The following SOS1 variants were observed in gnomAD, a reference collection of about 807,000 sequenced individuals.
SOS1 encodes the protein son of sevenless homolog 1.
Under a neutral mutation model 157.6 loss-of-function variants are expected in SOS1, and 25 were observed. The ratio of observed to expected loss-of-function variants is 0.16; its 90% CI spans 0.12 to 0.22. The LOEUF (loss-of-function observed/expected upper bound fraction) is 0.22, where lower values mean the gene tolerates loss of function less well. Among genes scored for constraint, SOS1 ranks in the 10% least tolerant of loss-of-function variants. SOS1 has a pLI of 1.00. For missense variants in SOS1, 1,237 were observed against 1,599.1 expected, an observed-to-expected ratio of 0.77 and a Z score of 3.86; for synonymous variants, 528 against 534.0, an observed-to-expected ratio of 0.99 and a Z score of 0.16.
chr2:39,039,532 T>C (rs1404618152), intron 6 of SOS1, among the ~76,000 whole-genome samples: 3 of 152,244 alleles, frequency 2.0e-5, no homozygotes, highest in Non-Finnish European at 2.9e-5. Flanking sequence ...ACTAGTAAGG[T>C]TGAGAATCTA....
intron 20 of SOS1, 47 bp from the exon 21 acceptor site, chr2:38,989,361 T>C (rs781100205): frequency 3.1e-5 from 39 of 1,264,378 alleles, no homozygotes; most frequent in Middle Eastern, 1.9e-4. Context: ...TTCATTGATA[T>C]ATTCAACTCA....
rs749878971 is a variant in SOS1, at chr2:39,007,081, C to T, written c.2623G>A (p.Val875Ile). ...ACAGGTGATGAATTCATAGCACTGA[C>T]AACCTCAAGGACACCATTAAAGTTG... Reference protein sequence around the residue: ...LNNFNGVLEVVSAMNSSPVYR... With the variant: ...LNNFNGVLEVISAMNSSPVYR... Residue 875 changes from valine (V) to isoleucine (I), a missense_variant, in exon 16 of 23, where the codon GTC becomes ATC. Transcript: ENST00000402219. 4 of 1,611,330 alleles carry T rather than the reference C, an allele frequency of 2.5e-6. No individual in the cohort carries two copies. The highest frequency in any genetic ancestry group is 3.4e-6 in the Non-Finnish European group (4 of 1,177,592).
At chr2:39,022,136 C>G (rs1669817354) in intron 10 of SOS1, among the ~76,000 whole-genome samples, 1 of 151,382 alleles carries the variant, frequency 6.6e-6, no homozygotes, top group Admixed American at 6.6e-5. Context: ...GGAGTGGAAA[C>G]TGAGAGAAAG....
At chr2:39,004,373 T>C (rs906427727) in intron 17 of SOS1, among the ~76,000 whole-genome samples, 5 of 138,210 alleles carry the variant, frequency 3.6e-5, no homozygotes, top group Non-Finnish European at 7.5e-5. Context: ...AGCTACTGCA[T>C]TCCAGCCTGG....
chr2:39,120,915 C>T lies in SOS1; in HGVS notation c.-493G>A, dbSNP rs564090353. ...CGGGGCGGAGCTGGGGCGGAGGTCTCGCGGGGAAGGGGAAGGACCGGAGGT... is the reference window on the plus strand; with the variant it reads ...CGGGGCGGAGCTGGGGCGGAGGTCTTGCGGGGAAGGGGAAGGACCGGAGGT... On this transcript the variant is annotated 5_prime_UTR_variant, in exon 1 of 23. Transcript: ENST00000402219. 3.5e-4 allele frequency: 54 copies of T among 155,552 alleles called. No individual in the cohort carries two copies. The highest frequency in any genetic ancestry group is 7.2e-4 in the Admixed American group (11 of 15,288). The allele number at this position is 155,552 out of a possible 1,614,324, so 9.6% of individuals were successfully genotyped here.
intron 1 of SOS1, among the ~76,000 whole-genome samples, chr2:39,094,222 C>G (rs2148192810): frequency 6.6e-6 from 1 of 151,742 alleles, no homozygotes; most frequent in African/African-American, 2.4e-5. Flanking sequence ...AAAAATGTTA[C>G]TGTTGTTAAA....
chr2:39,092,179 T>C (rs773511980), intron 1 of SOS1, among the ~76,000 whole-genome samples: 6 of 152,192 alleles, frequency 3.9e-5, no homozygotes, highest in African/African-American at 1.4e-4. Flanking sequence ...ACATATGCTA[T>C]ACTCTAGTCA....
intron 1 of SOS1, chr2:39,082,708 A>T (rs140825898): frequency 1.3e-5 from 2 of 152,308 alleles, no homozygotes; most frequent in Admixed American, 6.5e-5. Flanking sequence ...TAATTTTTTT[A>T]AAAAAGAGAG....
At chr2:38,990,157 A>T (rs1357677745) in intron 20 of SOS1, among the ~76,000 whole-genome samples, 2 of 151,790 alleles carry the variant, frequency 1.3e-5, no homozygotes, top group Non-Finnish European at 1.5e-5. Flanking sequence ...AATTTTTTTT[A>T]AATTCAGATT....
chr2:39,091,238 C>T (rs1672583848), intron 1 of SOS1, among the ~76,000 whole-genome samples: 1 of 152,150 alleles, frequency 6.6e-6, no homozygotes, highest in African/African-American at 2.4e-5. Flanking sequence ...GTCCTTTGTG[C>T]AGTGAGAGTG....
intron 6 of SOS1, among the ~76,000 whole-genome samples, chr2:39,047,013 G>A (rs1670810731): frequency 6.6e-6 from 1 of 151,998 alleles, no homozygotes; most frequent in Admixed American, 6.6e-5. Flanking sequence ...CATAAAGTCT[G>A]CAATTTGATG....
Position 39,120,454 on chromosome 2 carries a change from G to A in SOS1, c.-32C>T, listed in dbSNP as rs1057520479. 1.5e-5 allele frequency: 23 copies of A among 1,547,244 alleles called. No individual in the cohort carries two copies. The highest frequency in any genetic ancestry group is 2.0e-5 in the Non-Finnish European group (23 of 1,148,900). Reference sequence around the variant, plus strand: ...CCCGGGGCGCCTCTGGGCGGGGAGAGGGGCGGCGGCGGCCGGGCCAGGGAG... The same window carrying A: ...CCCGGGGCGCCTCTGGGCGGGGAGAAGGGCGGCGGCGGCCGGGCCAGGGAG... On this transcript the variant is annotated 5_prime_UTR_variant, in exon 1 of 23. Coordinates refer to ENST00000402219, the MANE Select transcript of SOS1 (RefSeq NM_005633.4).
At chr2:38,995,485 A>G in intron 19 of SOS1, 98 bp from the exon 20 acceptor site, 1 of 867,506 alleles carries the variant, frequency 1.2e-6, no homozygotes, top group South Asian at 1.4e-5. Flanking sequence ...ATATACAGGA[A>G]AATCATAAAT....
intron 8 of SOS1, among the ~76,000 whole-genome samples, chr2:39,027,980 GTTACCACACCCAGAAAATTTTT>G (rs1670024731): frequency 6.6e-6 from 1 of 152,052 alleles, no homozygotes; most frequent in Non-Finnish European, 1.5e-5. Flanking sequence ...ACAGCTGCGT[GTTACCACACCCAGAAAATTTTT>G]GTATTTTTAG....
At chr2:39,098,827 T>C (rs1672864518) in intron 1 of SOS1, among the ~76,000 whole-genome samples, 1 of 152,082 alleles carries the variant, frequency 6.6e-6, no homozygotes, top group Non-Finnish European at 1.5e-5. Flanking sequence ...AGGTGGAGGT[T>C]GCAGTGAGCC....
At chr2:39,065,183 G>A (rs1207604941) in intron 2 of SOS1, among the ~76,000 whole-genome samples, 1 of 152,138 alleles carries the variant, frequency 6.6e-6, no homozygotes, top group Non-Finnish European at 1.5e-5. Flanking sequence ...CTTTGTAAGT[G>A]TATTAAAGAA....
At chr2:39,044,841 TACACACACATGCGCGC>T (rs1670697718) in intron 6 of SOS1, among the ~76,000 whole-genome samples, 1 of 129,712 alleles carries the variant, frequency 7.7e-6, no homozygotes, top group Middle Eastern at 3.5e-3. Flanking sequence ...GATGACTGTG[TACACACACATGCGCGC>T]GCGCGCGCAC....
chr2:39,020,684 A>C (rs1404247402), intron 10 of SOS1, among the ~76,000 whole-genome samples: 1 of 151,766 alleles, frequency 6.6e-6, no homozygotes, highest in Non-Finnish European at 1.5e-5. Context: ...ACAAGTTCAC[A>C]GATGGTCTAT....
chr2:39,058,046 T>C (rs1572860201), intron 3 of SOS1, among the ~76,000 whole-genome samples: 1 of 152,152 alleles, frequency 6.6e-6, no homozygotes, highest in Non-Finnish European at 1.5e-5. Flanking sequence ...GTCTGTATTA[T>C]AGTATGTACA....
Sources: allele counts gnomAD v4.1 joint callset (sites outside exome capture counted in the v4.1 genomes callset), GRCh38; gene constraint gnomAD v4.1.1; transcripts MANE v1.5; gene names NCBI Gene and HGNC (gene_info 2026-07-23, HGNC 2026-07-21).